The following GREB1 variants were observed in gnomAD, a reference collection of about 807,000 sequenced individuals.
GREB1 encodes protein GREB1.
In GREB1, 106 loss-of-function variants were observed where a neutral mutation model predicts 200.7. The observed-to-expected ratio is 0.53, with a 90% CI of 0.45 to 0.62. The LOEUF is 0.62. GREB1 is among the 20% of genes least tolerant of loss of function. GREB1 has a pLI of 0.00. For synonymous variants in GREB1, 1,132 were observed against 1,092.4 expected (o/e 1.04, Z -0.72); for missense variants, 2,243 against 2,556.8 (o/e 0.88, Z 2.65).
At chr2:11,532,356 A>C (rs1674105132), upstream of GREB1, among the ~76,000 whole-genome samples, 1 of 152,220 alleles carries the variant, frequency 6.6e-6, no homozygotes, top group Admixed American at 6.5e-5. Flanking sequence ...TGTGGCCAAT[A>C]AAATAAAGAA....
At chr2:11,538,631 T>G (rs1674419760) in intron 1 of GREB1, among the ~76,000 whole-genome samples, 1 of 22,580 alleles carries the variant, frequency 4.4e-5, no homozygotes, top group African/African-American at 7.9e-5. Flanking sequence ...CTTTCTTTCT[T>G]TCTTTCTTTC....
intron 1 of GREB1, among the ~76,000 whole-genome samples, chr2:11,501,212 C>A (rs1009096664): frequency 6.6e-6 from 1 of 152,196 alleles, no homozygotes; most frequent in Non-Finnish European, 1.5e-5. Context: ...GTGTTCCCTA[C>A]TGACTTTGCA....
intron 1 of GREB1, among the ~76,000 whole-genome samples, chr2:11,498,893 A>T: frequency 6.6e-6 from 1 of 152,236 alleles, no homozygotes; most frequent in African/African-American, 2.4e-5. Context: ...TGTGGCGTGC[A>T]GCTGCTGGCT....
At chr2:11,635,894 C>G (rs999925926) in intron 30 of GREB1, among the ~76,000 whole-genome samples, 1 of 152,214 alleles carries the variant, frequency 6.6e-6, no homozygotes, top group Non-Finnish European at 1.5e-5. Flanking sequence ...CTTGATAGCT[C>G]TGTGTCTTCC....
At chr2:11,614,262 G>A (rs1453193958) in intron 19 of GREB1, among the ~76,000 whole-genome samples, 1 of 151,810 alleles carries the variant, frequency 6.6e-6, no homozygotes, top group Non-Finnish European at 1.5e-5. Context: ...GAGGAGCTGG[G>A]ATTATAGGCA....
chr2:11,607,642 A>ATATG (rs1682526915), intron 17 of GREB1, among the ~76,000 whole-genome samples: 2 of 149,028 alleles, frequency 1.3e-5, no homozygotes, highest in South Asian at 2.1e-4. Flanking sequence ...ATATATATAT[A>ATATG]TTTATCTTAG....
At chr2:11,591,973 A>G (rs1680771973) in intron 10 of GREB1, 1 of 982,288 alleles carries the variant, frequency 1.0e-6, no homozygotes, top group Non-Finnish European at 1.2e-6. Flanking sequence ...CAGTTTTAAT[A>G]CTAATTCCAG....
chr2:11,620,869 T>C (rs1363251048), intron 22 of GREB1, 36 bp from the exon 23 acceptor site: 7 of 1,290,060 alleles, frequency 5.4e-6, no homozygotes, highest in Non-Finnish European at 7.9e-6. Flanking sequence ...GGATGGGGCT[T>C]CCTCACTGGG....
At position 11,597,606 on chromosome 2, in the gene GREB1, C is replaced by T. The variant is rs954027919; in HGVS notation, c.1955-175C>T. 4.6e-5 allele frequency among the ~76,000 whole-genome samples: 7 copies of T among 152,182 alleles called. No homozygotes were observed. The highest frequency in any genetic ancestry group is 1.4e-4 in the African/African-American group (6 of 41,440). ...ATAAAATGATTGCTACCCCCACACC[C>T]GCCACTGCTTAGCTGAGAGCAGGGA... is the stretch of plus-strand genomic sequence containing the variant. On this transcript the variant is annotated intron_variant, in intron 13 of 32. Transcript: ENST00000381486. This position sits in a 1 kb window ranked among gnomAD's most constrained non-coding sequence, Gnocchi z 4.1.
intron 1 of GREB1, among the ~76,000 whole-genome samples, chr2:11,519,599 G>A (rs113354480): frequency 0.024 from 3,672 of 151,752 alleles, 149 homozygotes; most frequent in African/African-American, 0.084. Context: ...TGGATTACAG[G>A]CACCTGCCAT....
chr2:11,487,836 G>A (rs1672689804), intron 1 of GREB1, among the ~76,000 whole-genome samples: 1 of 152,086 alleles, frequency 6.6e-6, no homozygotes, highest in Non-Finnish European at 1.5e-5. Context: ...TTTTGACCAC[G>A]AGTTTACATC....
chr2:11,483,687 G>GGTGTGTGTGTGTGT (rs57352590), intron 1 of GREB1, among the ~76,000 whole-genome samples: 2 of 132,386 alleles, frequency 1.5e-5, no homozygotes, highest in Non-Finnish European at 3.2e-5. Flanking sequence ...TACAAGAAGG[G>GGTGTGTGTGTGTGT]GTGTGTGTGT....
intron 1 of GREB1, among the ~76,000 whole-genome samples, chr2:11,525,462 A>C (rs1334782273): frequency 7.2e-6 from 1 of 139,020 alleles, no homozygotes; most frequent in East Asian, 2.1e-4. Flanking sequence ...GTACCACTGC[A>C]CTCCAGCCTG....
rs1274738891 is a variant in GREB1 at position 11,629,778 on chromosome 2, CA to C, written c.4450-168del. On this transcript the variant is annotated intron_variant, in intron 25 of 32. Coordinates refer to ENST00000381486, the MANE Select transcript of GREB1 (RefSeq NM_014668.4). The surrounding 1 kb of genome is among the most constrained non-coding windows in gnomAD (Gnocchi z 5.2). ...GTGGCCTCGGGCGTGCTTGCCCTGT[CA>C]ACAGACCTGGGTGTCTGCACTTTGC... is the stretch of plus-strand genomic sequence containing the variant. Among the ~76,000 whole-genome samples, 3 of 152,166 alleles carry C rather than the reference CA, an allele frequency of 2.0e-5. No individual in the cohort carries two copies. Among genetic ancestry groups the C allele is most frequent in the Non-Finnish European group, 2.9e-5 (2 of 68,036 alleles).
chr2:11,541,424 G>A (rs990839698), intron 1 of GREB1, among the ~76,000 whole-genome samples: 10 of 151,278 alleles, frequency 6.6e-5, no homozygotes, highest in African/African-American at 1.9e-4. Context: ...GGGCATCCGC[G>A]AGTGAGTGGA....
intron 9 of GREB1, 124 bp from the exon 10 acceptor site, chr2:11,588,622 C>T: frequency 1.1e-6 from 1 of 876,820 alleles, no homozygotes; most frequent in Non-Finnish European, 1.9e-6. Flanking sequence ...CAGGACAGGG[C>T]ACTCGAGGGA....
At chr2:11,598,605 C>T (rs573821576) in intron 14 of GREB1, 75 bp from the exon 15 acceptor site, 1 of 1,350,896 alleles carries the variant, frequency 7.4e-7, no homozygotes, top group African/African-American at 1.4e-5. Flanking sequence ...AGGAGTCGCT[C>T]CTCAGGTGTC....
intron 15 of GREB1, among the ~76,000 whole-genome samples, chr2:11,599,871 T>G (rs1442732811): frequency 6.6e-6 from 1 of 152,176 alleles, no homozygotes; most frequent in Non-Finnish European, 1.5e-5. Flanking sequence ...AAAATGAACA[T>G]AAACCCAGAT....
chr2:11,598,605 C>G, intron 14 of GREB1, 75 bp from the exon 15 acceptor site: 1 of 1,350,902 alleles, frequency 7.4e-7, no homozygotes, highest in Non-Finnish European at 1.0e-6. Context: ...AGGAGTCGCT[C>G]CTCAGGTGTC....
Sources: allele counts gnomAD v4.1 joint callset (sites outside exome capture counted in the v4.1 genomes callset), GRCh38; gene constraint gnomAD v4.1.1; non-coding constraint Gnocchi (gnomAD v3.1); transcripts MANE v1.5; gene names NCBI Gene and HGNC (gene_info 2026-07-23, HGNC 2026-07-21).